The following AR variants were observed in gnomAD, a reference collection of about 807,000 sequenced individuals.
AR encodes androgen receptor.
Under a neutral mutation model 53.9 loss-of-function variants are expected in AR, and 8 were observed. That is an observed-to-expected ratio of 0.15 (90% CI 0.09 to 0.27). The LOEUF is 0.27. Among genes scored for constraint, AR ranks in the 10% least tolerant of loss-of-function variants. AR has a pLI of 1.00. For missense variants in AR, 639 were observed against 742.5 expected (o/e 0.86, Z 1.62); for synonymous variants, 359 against 316.4 (o/e 1.13, Z -1.43).
chrX:67,671,923 T>C (rs5919404), intron 2 of AR, among the ~76,000 whole-genome samples: 1,379 of 111,620 alleles, frequency 0.012, 11 homozygotes, highest in Non-Finnish European at 0.019. Context: ...TGTGGTGTTA[T>C]TTCTGAGGCC....
chrX:67,670,565 T>TAA (rs1176623645), intron 2 of AR, among the ~76,000 whole-genome samples: 1 of 107,127 alleles, frequency 9.3e-6, no homozygotes, highest in Non-Finnish European at 1.9e-5. Flanking sequence ...AGTATATATA[T>TAA]AATACATTTA....
intron 1 of AR, among the ~76,000 whole-genome samples, chrX:67,578,068 C>T (rs1038201665): frequency 1.5e-4 from 17 of 111,353 alleles, no homozygotes; most frequent in Non-Finnish European, 3.0e-4. Flanking sequence ...ACTGAAGCCC[C>T]CCACTTCCCA....
chrX:67,688,469 G>A (rs1453127562), intron 3 of AR, among the ~76,000 whole-genome samples: 1 of 111,510 alleles, frequency 9.0e-6, no homozygotes, highest in Non-Finnish European at 1.9e-5. Context: ...TGACATTGAG[G>A]TCACTAGTAA....
rs760394652 is a variant in AR, at chrX:67,724,588, A to T, written c.*747A>T. On this transcript the variant is annotated 3_prime_UTR_variant, in exon 8 of 8. Transcript: ENST00000374690. ...GGTGGACAGAGAGGAGAGGACAAGG[A>T]GGGCAATGGAGCATCAGTACCTGCC... 1.2e-5 allele frequency: 2 copies of T among 173,349 alleles called. No individual in the cohort carries two copies. The highest frequency in any genetic ancestry group is 6.5e-4 in the South Asian group (2 of 3,064). The allele number at this position is 173,349 out of a possible 1,213,427, so 14.3% of individuals were successfully genotyped here.
At chrX:67,693,534 T>G (rs1292171360) in intron 3 of AR, among the ~76,000 whole-genome samples, 1 of 112,395 alleles carries the variant, frequency 8.9e-6, no homozygotes, top group African/African-American at 3.2e-5. Flanking sequence ...CACAAAAATG[T>G]AAAATATTTT....
chrX:67,563,009 C>T (rs946132312), intron 1 of AR, among the ~76,000 whole-genome samples: 1 of 111,974 alleles, frequency 8.9e-6, no homozygotes, highest in Non-Finnish European at 1.9e-5. Flanking sequence ...AATTCACATT[C>T]ACTGAAGACA....
At chrX:67,597,144 A>T (rs1266985845) in intron 1 of AR, among the ~76,000 whole-genome samples, 1 of 112,213 alleles carries the variant, frequency 8.9e-6, no homozygotes, top group African/African-American at 3.2e-5. Context: ...ACTAGCCCAG[A>T]TAGTAAACAT....
At chrX:67,587,515 A>G (rs1922607869) in intron 1 of AR, among the ~76,000 whole-genome samples, 1 of 111,775 alleles carries the variant, frequency 8.9e-6, no homozygotes, top group South Asian at 3.8e-4. Flanking sequence ...ATCTACATGG[A>G]TAGACATTTT....
chrX:67,623,173 G>A (rs1038668599), intron 1 of AR, among the ~76,000 whole-genome samples: 8 of 109,029 alleles, frequency 7.3e-5, no homozygotes, highest in African/African-American at 1.3e-4. Context: ...CCACCCCCCC[G>A]CCCCCATAAA....
At chrX:67,605,167 T>C (rs1292642305) in intron 1 of AR, among the ~76,000 whole-genome samples, 1 of 112,736 alleles carries the variant, frequency 8.9e-6, no homozygotes, top group African/African-American at 3.2e-5. Flanking sequence ...CAGTGGTAAC[T>C]GGAGAGTGTT....
intron 1 of AR, chrX:67,568,825 C>G: frequency 9.0e-7 from 1 of 1,115,258 alleles, no homozygotes. Flanking sequence ...CCAAGTTGCT[C>G]TCTTCTCCAG....
chrX:67,698,249 T>C (rs12011793), intron 3 of AR, among the ~76,000 whole-genome samples: 15,940 of 111,734 alleles, frequency 0.14, 1,373 homozygotes, highest in African/African-American at 0.32. Context: ...CCTCTGACCT[T>C]CTAATCCTAA....
chrX:67,675,759 C>T (rs995532128), intron 2 of AR, among the ~76,000 whole-genome samples: 1 of 112,025 alleles, frequency 8.9e-6, no homozygotes, highest in African/African-American at 3.2e-5. Flanking sequence ...ACTGTGATTG[C>T]TCACCTGATT....
rs1671337776 is a variant in AR at position 67,643,421 on chromosome X, C to T, written c.1768+14C>T. ...GAGCCGCTGAAGGTAAAGGGTCTTG[C>T]ACATGCACTTCTCTTTCCCTTTCTC... On this transcript the variant is annotated intron_variant, in intron 2 of 7. Transcript: ENST00000374690. The T allele has an allele frequency of 8.3e-7, 1 of 1,202,564 alleles. No individual in the cohort carries two copies. Among genetic ancestry groups the T allele is most frequent in the African/African-American group, 1.7e-5 (1 of 57,710 alleles).
intron 1 of AR, among the ~76,000 whole-genome samples, chrX:67,554,594 A>G (rs1230464947): frequency 1.8e-5 from 2 of 111,925 alleles, no homozygotes; most frequent in Non-Finnish European, 1.9e-5. Context: ...AGGTTTAGTT[A>G]TAATCTAATA....
intron 1 of AR, among the ~76,000 whole-genome samples, chrX:67,638,046 C>A (rs1182530365): frequency 9.0e-6 from 1 of 111,014 alleles, no homozygotes; most frequent in African/African-American, 3.3e-5. Flanking sequence ...CATTGTTCAA[C>A]TCCCACTTTT....
At chrX:67,656,469 T>C (rs770565126) in intron 2 of AR, among the ~76,000 whole-genome samples, 1 of 111,446 alleles carries the variant, frequency 9.0e-6, no homozygotes, top group Admixed American at 9.5e-5. Flanking sequence ...CCTGTCCCTA[T>C]CAGCAGGTTT....
intron 1 of AR, among the ~76,000 whole-genome samples, chrX:67,603,223 G>A (rs1923464082): frequency 9.0e-6 from 1 of 111,471 alleles, no homozygotes; most frequent in Admixed American, 9.6e-5. Flanking sequence ...CTGTTCATTT[G>A]CATCACATAC....
At chrX:67,614,997 G>T (rs1924046799) in intron 1 of AR, among the ~76,000 whole-genome samples, 1 of 110,013 alleles carries the variant, frequency 9.1e-6, no homozygotes, top group African/African-American at 3.3e-5. Context: ...CTTGGCAGAA[G>T]AAACAATCAG....
Sources: allele counts gnomAD v4.1 joint callset (sites outside exome capture counted in the v4.1 genomes callset), GRCh38; gene constraint gnomAD v4.1.1; transcripts MANE v1.5; gene names NCBI Gene and HGNC (gene_info 2026-07-23, HGNC 2026-07-21).